PSG9: variants seen among roughly 807,000 people sequenced by gnomAD.
The protein encoded by PSG9 is pregnancy-specific beta-1-glycoprotein 9.
A neutral mutation model predicts 41.9 loss-of-function variants in PSG9; 49 were observed. The observed-to-expected ratio is 1.17, with a 90% confidence interval of 0.93 to 1.48. PSG9 has a LOEUF of 1.48. Ranked by LOEUF, PSG9 falls within the 40% of genes most tolerant of loss-of-function variation. The pLI is 0.00. For missense variants in PSG9, 641 were observed against 520.3 expected, an observed-to-expected ratio of 1.23 and a Z score of -2.26; for synonymous variants, 263 against 196.8, an observed-to-expected ratio of 1.34 and a Z score of -2.82.
intron 2 of PSG9, among the ~76,000 whole-genome samples, chr19:43,265,457 C>T (rs1968921644): frequency 2.0e-5 from 3 of 152,116 alleles, no homozygotes; most frequent in Admixed American, 1.3e-4. Flanking sequence ...CTCAGTCAGT[C>T]ATGTGGCCCC....
At position 43,257,640 on chromosome 19, in the gene PSG9, G is replaced by A. The variant is rs1428692702; in HGVS notation, c.1243+562C>T. ...CTCAATTTAGCCAAATTCAGGACAGGCCACCAGGGCCCTTTCTACACACAC... is the reference window on the plus strand; with the variant it reads ...CTCAATTTAGCCAAATTCAGGACAGACCACCAGGGCCCTTTCTACACACAC... On this transcript the variant is annotated intron_variant, in intron 5 of 5. Transcript: ENST00000270077. The A allele has an allele frequency of 3.0e-5, 31 of 1,018,206 alleles. 1 individual carries two copies. The highest frequency in any genetic ancestry group is 3.6e-5 in the African/African-American group (2 of 55,026). The allele number at this position is 1,018,206 out of a possible 1,614,324, so 63.1% of individuals were successfully genotyped here. A position where few individuals can be genotyped will look rare whatever the true frequency, so the allele number is the denominator to read the frequency against.
chr19:43,254,836 C>A (rs1288266952), intron 5 of PSG9, among the ~76,000 whole-genome samples: 1 of 145,414 alleles, frequency 6.9e-6, no homozygotes, highest in Non-Finnish European at 1.5e-5. Flanking sequence ...ATGTTTTAAT[C>A]CTAGCACTTT....
At chr19:43,269,130 G>A (rs1045122512) in intron 1 of PSG9, among the ~76,000 whole-genome samples, 1 of 151,648 alleles carries the variant, frequency 6.6e-6, no homozygotes, top group Non-Finnish European at 1.5e-5. Context: ...TCAGCCTCCC[G>A]AGTAGCTAGG....
chr19:43,268,515 C>T (rs1335731904), intron 1 of PSG9, among the ~76,000 whole-genome samples: 1 of 152,154 alleles, frequency 6.6e-6, no homozygotes, highest in African/African-American at 2.4e-5. Context: ...CTTCAGAGAC[C>T]CTGGGTCTTC....
chr19:43,264,650 G>A (rs772138039), intron 2 of PSG9, among the ~76,000 whole-genome samples: 1 of 152,032 alleles, frequency 6.6e-6, no homozygotes, highest in Non-Finnish European at 1.5e-5. Flanking sequence ...ATAGAGACAG[G>A]GTTTCACCCT....
At chr19:43,256,297 G>C (rs1291342341) in intron 5 of PSG9, among the ~76,000 whole-genome samples, 2 of 146,752 alleles carry the variant, frequency 1.4e-5, no homozygotes, top group East Asian at 4.7e-4. Context: ...ATGATTTCTT[G>C]GTTGTAACAA....
At chr19:43,258,577 C>T in intron 4 of PSG9, 121 bp from the exon 5 acceptor site, 1 of 1,448,592 alleles carries the variant, frequency 6.9e-7, no homozygotes, top group Non-Finnish European at 9.1e-7. Flanking sequence ...CAGCCAAAGT[C>T]CCTCTATGTT....
In PSG9 at chr19:43,267,817, C is replaced by A; in HGVS notation, c.397G>T (p.Glu133Ter). Reference protein sequence around the residue: ...HIIKRGDETREEIRHFTFTLY... With the variant: ...HIIKRGDETR ...GTGAAGGTGAAATGTCGAATTTCTT[C>A]TCTAGTCTCATCACCTCGCTTTATG... is the stretch of plus-strand genomic sequence containing the variant. The change falls in exon 2 of 6, where the codon GAA (glutamate) becomes TAA (stop). Residue 133 changes from glutamate to a stop codon, truncating the protein, a stop_gained. Transcript: ENST00000270077. LOFTEE classifies it high-confidence loss of function. 1 of 1,613,350 alleles carries A rather than the reference C, an allele frequency of 6.2e-7. No individual in the cohort carries two copies. Among genetic ancestry groups the A allele is most frequent in the Non-Finnish European group, 8.5e-7 (1 of 1,179,554 alleles).
At position 43,269,490 on chromosome 19, in the gene PSG9, C is replaced by T; in HGVS notation, c.-59G>A. ...GATGAGCCTGGGATCCAGAAGCTGT[C>T]TGAGCACGGCTGTCAGCTGTGCTGT... On this transcript the variant is annotated 5_prime_UTR_variant, in exon 1 of 6. Transcript: ENST00000270077. The T allele has an allele frequency of 6.2e-7, 1 of 1,603,306 alleles. No individual in the cohort carries two copies. The highest frequency in any genetic ancestry group is 8.5e-7 in the Non-Finnish European group (1 of 1,172,300).
intron 2 of PSG9, 116 bp downstream of exon 2, chr19:43,267,668 C>G: frequency 6.5e-7 from 1 of 1,537,216 alleles, no homozygotes; most frequent in Non-Finnish European, 9.0e-7. Context: ...CAAACCCCAG[C>G]ATGGGACATA....
chr19:43,268,267 CACAT>C, intron 1 of PSG9, 118 bp from the exon 2 acceptor site: 1 of 1,381,084 alleles, frequency 7.2e-7, no homozygotes, highest in Non-Finnish European at 9.9e-7. Flanking sequence ...CACACACGCA[CACAT>C]ACAAACAAAC....
intron 5 of PSG9, 30 bp downstream of exon 5, chr19:43,258,172 C>A (rs1290213476): frequency 6.3e-7 from 1 of 1,592,464 alleles, no homozygotes. Flanking sequence ...ACATAAAACC[C>A]TACTGCCAAG....
In PSG9 at chr19:43,267,830, A is replaced by G. The variant is rs1431345676; in HGVS notation, c.384T>C (p.Gly128=). The G allele has an allele frequency of 1.2e-6, 2 of 1,613,302 alleles. No individual in the cohort carries two copies. The highest frequency in any genetic ancestry group is 1.7e-5 in the Admixed American group (1 of 59,968). Residue 128 remains glycine (G), a synonymous_variant, in exon 2 of 6, where the codon GGT becomes GGC. Transcript: ENST00000270077. ...GTCGAATTTCTTCTCTAGTCTCATC[A>G]CCTCGCTTTATGATGTGTAAGGTGT... ...GTYTLHIIKR[G]DETREEIRHF...
rs751999271 is a variant in PSG9 at position 43,255,966 on chromosome 19, T to A, written c.1243+2236A>T. 2.1e-4 allele frequency among the ~76,000 whole-genome samples: 31 copies of A among 146,590 alleles called. 2 individuals carry two copies. Among genetic ancestry groups the A allele is most frequent in the Non-Finnish European group, 3.3e-4 (22 of 67,398 alleles). On this transcript the variant is annotated intron_variant, in intron 5 of 5. Transcript: ENST00000270077. ...CAGATTCAATACAATTCCTATCAGA[T>A]TCTCAGTGGCATTTTTGCAGAAAAA...
intron 3 of PSG9, chr19:43,259,598 G>C (rs758640983): frequency 3.5e-5 from 6 of 170,478 alleles, no homozygotes; most frequent in Non-Finnish European, 6.1e-5. Context: ...ACTTCCCATT[G>C]TCCTGAGACC....
intron 2 of PSG9, among the ~76,000 whole-genome samples, chr19:43,263,808 T>A (rs1968840234): frequency 6.6e-6 from 1 of 151,534 alleles, no homozygotes; most frequent in Non-Finnish European, 1.5e-5. Context: ...GTAGAGAGAG[T>A]CCCGTTAAAA....
chr19:43,254,969 TAGTCCTAGCATCTTGG>T (rs1327107251), intron 5 of PSG9, among the ~76,000 whole-genome samples: 8 of 144,334 alleles, frequency 5.5e-5, no homozygotes, highest in Non-Finnish European at 3.0e-5. Context: ...CATGCACCTG[TAGTCCTAGCATCTTGG>T]GAGGCTGAAG....
chr19:43,268,948 C>T (rs1294427051), intron 1 of PSG9, among the ~76,000 whole-genome samples: 1 of 152,136 alleles, frequency 6.6e-6, no homozygotes, highest in African/African-American at 2.4e-5. Flanking sequence ...CTCTTTTGAC[C>T]CCTGTCCCTC....
intron 2 of PSG9, among the ~76,000 whole-genome samples, chr19:43,267,389 T>C (rs1190677339): frequency 3.9e-5 from 6 of 152,006 alleles, no homozygotes; most frequent in Non-Finnish European, 8.8e-5. Context: ...GGGACAGGGG[T>C]CTGGGGTTGA....
Sources: gnomAD v4.1 joint callset for allele counts (sites outside exome capture counted in the v4.1 genomes callset) on GRCh38, gnomAD v4.1.1 for gene constraint, MANE v1.5 for transcripts, NCBI Gene and HGNC (gene_info 2026-07-23, HGNC 2026-07-21) for gene names.